Variants in ZBTB7C observed in about 807,000 individuals in gnomAD.
The protein encoded by ZBTB7C is zinc finger and BTB domain containing 7C.
In ZBTB7C, 8 loss-of-function variants were observed where a neutral mutation model predicts 25.7. The observed-to-expected ratio is 0.31, with a 90% confidence interval of 0.18 to 0.56. The LOEUF is 0.56. ZBTB7C is among the 20% of genes least tolerant of loss of function. The pLI, the probability that ZBTB7C is intolerant of heterozygous loss-of-function variation, is 0.91. For missense variants in ZBTB7C, 824 were observed against 855.2 expected (o/e 0.96, Z 0.46); for synonymous variants, 394 against 369.0 (o/e 1.07, Z -0.78).
At chr18:48,078,848 G>C (rs984483706) in intron 3 of ZBTB7C, among the ~76,000 whole-genome samples, 6 of 152,120 alleles carry the variant, frequency 3.9e-5, no homozygotes, top group Non-Finnish European at 8.8e-5. Flanking sequence ...ATGTTTTCCA[G>C]GTACATCCAT....
In ZBTB7C at chr18:48,026,759, A is replaced by G. The variant is rs1254692149; in HGVS notation, c.*2501T>C. 6.7e-6 allele frequency: 1 copy of G among 148,404 alleles called. No homozygotes were observed. The highest frequency in any genetic ancestry group is 1.5e-5 in the Non-Finnish European group (1 of 67,376). 9.2% of individuals were successfully genotyped at this position (148,404 alleles called of 1,614,324 possible). A position where few individuals can be genotyped will look rare whatever the true frequency, so the allele number is the denominator to read the frequency against. On this transcript the variant is annotated 3_prime_UTR_variant, in exon 5 of 5. Coordinates refer to ENST00000590800, the MANE Select transcript of ZBTB7C (RefSeq NM_001318841.2). ...AAGGTTTTTTTTTTTTTCTTTGTTA[A>G]GGTGTCTTTGACATTATTTTAAGTT...
intron 2 of ZBTB7C, among the ~76,000 whole-genome samples, chr18:48,238,426 T>C (rs915320212): frequency 1.3e-5 from 2 of 152,158 alleles, no homozygotes; most frequent in Non-Finnish European, 2.9e-5. Context: ...GGCTTGCCAC[T>C]GCAAACTCTG....
rs78457460 is a variant in ZBTB7C, at chr18:48,367,349, T to C, written c.-303-28951A>G. ...GTATATATATACATATATGTGTGCA[T>C]ATATATATATATATATATATATAAA... On this transcript the variant is annotated intron_variant, in intron 1 of 4. Coordinates refer to ENST00000590800, the MANE Select transcript of ZBTB7C (RefSeq NM_001318841.2). 2.7e-3 allele frequency among the ~76,000 whole-genome samples: 142 copies of C among 52,044 alleles called. 1 individual carries two copies. Among genetic ancestry groups the C allele is most frequent in the African/African-American group, 4.6e-3 (97 of 21,120 alleles). 34.1% of individuals were successfully genotyped at this position (52,044 alleles called of 152,430 possible). A position where few individuals can be genotyped will look rare whatever the true frequency, so the allele number is the denominator to read the frequency against.
chr18:48,158,140 G>T (rs1182468412), intron 3 of ZBTB7C, among the ~76,000 whole-genome samples: 2 of 152,182 alleles, frequency 1.3e-5, no homozygotes, highest in African/African-American at 4.8e-5. Context: ...AGTTAAATAT[G>T]CCCAGGTTAC....
chr18:48,217,563 T>G (rs2042855449), intron 2 of ZBTB7C, among the ~76,000 whole-genome samples: 1 of 152,112 alleles, frequency 6.6e-6, no homozygotes, highest in African/African-American at 2.4e-5. Flanking sequence ...CAGTCTCCTG[T>G]GGGGCCTGCT....
intron 2 of ZBTB7C, among the ~76,000 whole-genome samples, chr18:48,241,462 C>A (rs1474959281): frequency 6.6e-6 from 1 of 152,120 alleles, no homozygotes; most frequent in Non-Finnish European, 1.5e-5. Flanking sequence ...GGCCATAAAA[C>A]ACGTCTCAAT....
intron 2 of ZBTB7C, among the ~76,000 whole-genome samples, chr18:48,219,093 C>T (rs922664388): frequency 9.9e-5 from 15 of 152,228 alleles, no homozygotes; most frequent in Admixed American, 1.3e-4. Flanking sequence ...CCATCTGACC[C>T]TCAGGCCTGG....
intron 2 of ZBTB7C, among the ~76,000 whole-genome samples, chr18:48,238,427 G>A (rs1456516818): frequency 1.3e-5 from 2 of 152,188 alleles, no homozygotes; most frequent in Admixed American, 6.5e-5. Flanking sequence ...GCTTGCCACT[G>A]CAAACTCTGT....
At chr18:48,362,785 A>G (rs1304286209) in intron 1 of ZBTB7C, among the ~76,000 whole-genome samples, 2 of 152,174 alleles carry the variant, frequency 1.3e-5, no homozygotes, top group Non-Finnish European at 2.9e-5. Context: ...AAGAAGGTAC[A>G]GGAGTTCCTT....
At chr18:48,035,528 G>A (rs1424696189) in intron 4 of ZBTB7C, among the ~76,000 whole-genome samples, 2 of 152,228 alleles carry the variant, frequency 1.3e-5, no homozygotes, top group African/African-American at 2.4e-5. Context: ...CCCATGTGGT[G>A]GGAATTAAGA....
At chr18:48,081,186 C>T (rs1170833255) in intron 3 of ZBTB7C, among the ~76,000 whole-genome samples, 2 of 152,140 alleles carry the variant, frequency 1.3e-5, no homozygotes, top group Admixed American at 1.3e-4. Context: ...ATCAGGAGGC[C>T]ATCTCTCAGT....
chr18:48,055,416 A>G (rs1179838863), intron 3 of ZBTB7C, among the ~76,000 whole-genome samples: 1 of 150,348 alleles, frequency 6.7e-6, no homozygotes, highest in Non-Finnish European at 1.5e-5. Context: ...GTCTCAAAAA[A>G]AAAAAAAAAA....
chr18:48,298,855 T>C (rs1413592670), intron 2 of ZBTB7C, among the ~76,000 whole-genome samples: 2 of 152,180 alleles, frequency 1.3e-5, no homozygotes, highest in Admixed American at 1.3e-4. Flanking sequence ...AAGCTATCTA[T>C]GGAATGAAGA....
chr18:48,270,457 AGGCCCAGGTG>A (rs1026327150), intron 2 of ZBTB7C, among the ~76,000 whole-genome samples: 34 of 151,098 alleles, frequency 2.3e-4, no homozygotes, highest in Non-Finnish European at 3.8e-4. Context: ...GCACTTTGGG[AGGCCCAGGTG>A]GGCGGATCTC....
chr18:48,113,597 C>T (rs1248709098), intron 3 of ZBTB7C, among the ~76,000 whole-genome samples: 1 of 152,216 alleles, frequency 6.6e-6, no homozygotes, highest in African/African-American at 2.4e-5. Flanking sequence ...CACTCCAAGT[C>T]CAGGGGAAAG....
At chr18:48,122,674 G>A (rs978547479) in intron 3 of ZBTB7C, among the ~76,000 whole-genome samples, 4 of 152,176 alleles carry the variant, frequency 2.6e-5, no homozygotes, top group Non-Finnish European at 5.9e-5. Flanking sequence ...AAATGCAAGG[G>A]TTGGAGTTCA....
chr18:48,326,855 CT>C (rs1409469654), intron 2 of ZBTB7C, among the ~76,000 whole-genome samples: 1 of 152,210 alleles, frequency 6.6e-6, no homozygotes, highest in Non-Finnish European at 1.5e-5. Context: ...GTGTATACCT[CT>C]GTAAAAGCAT....
chr18:48,186,610 A>G (rs2042061676), intron 2 of ZBTB7C, among the ~76,000 whole-genome samples: 1 of 152,166 alleles, frequency 6.6e-6, no homozygotes, highest in Non-Finnish European at 1.5e-5. Context: ...GTTAATGACA[A>G]CGCTAACCTG....
intron 3 of ZBTB7C, among the ~76,000 whole-genome samples, chr18:48,059,742 C>T (rs1283461912): frequency 1.3e-5 from 2 of 152,172 alleles, no homozygotes; most frequent in Non-Finnish European, 2.9e-5. Flanking sequence ...CTTAATCCCA[C>T]AGAACAATTT....
Sources: gnomAD v4.1 joint callset for allele counts (sites outside exome capture counted in the v4.1 genomes callset) on GRCh38, gnomAD v4.1.1 for gene constraint, MANE v1.5 for transcripts, NCBI Gene and HGNC (gene_info 2026-07-23, HGNC 2026-07-21) for gene names.